The following HADHB variants were observed in gnomAD, a reference collection of about 807,000 sequenced individuals.
HADHB encodes the protein trifunctional enzyme subunit beta, mitochondrial.
In HADHB, 50 loss-of-function variants were observed where a neutral mutation model predicts 61.9. The ratio of observed to expected loss-of-function variants is 0.81; its 90% CI spans 0.64 to 1.02. The LOEUF is 1.02. HADHB is among the 50% of genes least tolerant of loss of function. HADHB has a pLI of 0.00. For synonymous variants in HADHB, 191 were observed against 201.6 expected (o/e 0.95, Z 0.45); for missense variants, 504 against 586.5 (o/e 0.86, Z 1.45).
intron 15 of HADHB, among the ~76,000 whole-genome samples, chr2:26,289,530 T>A (rs1272336085): frequency 3.3e-5 from 5 of 152,200 alleles, no homozygotes; most frequent in African/African-American, 1.2e-4. Flanking sequence ...AAAAAGCCCC[T>A]GGATTTCTCA....
intron 1 of HADHB, among the ~76,000 whole-genome samples, chr2:26,249,514 A>T (rs1671314414): frequency 2.0e-5 from 3 of 152,072 alleles, no homozygotes; most frequent in African/African-American, 4.8e-5. Flanking sequence ...CCGTCTCAAA[A>T]AAATAAATAA....
rs1672954081 is a variant in HADHB at position 26,284,772 on chromosome 2, G to T, written c.1150-111G>T. 3.9e-6 allele frequency: 3 copies of T among 766,126 alleles called. No homozygotes were observed. In the Admixed American group the frequency reaches 5.2e-5, roughly 13 times the overall value. 47.5% of individuals were successfully genotyped at this position (766,126 alleles called of 1,614,324 possible). On this transcript the variant is annotated intron_variant, in intron 13 of 15. Transcript: ENST00000317799. ...GTGAGCCACTGTGCCTGGCCGATTT[G>T]TTCAACTTTAAACCATACCTAAAGT...
intron 3 of HADHB, among the ~76,000 whole-genome samples, chr2:26,259,519 G>C (rs1195990253): frequency 1.3e-5 from 2 of 152,074 alleles, no homozygotes; most frequent in Non-Finnish European, 2.9e-5. Flanking sequence ...CCTACTCCTT[G>C]CCCTCTGCCT....
At chr2:26,264,553 C>CAAAA (rs34189488) in intron 4 of HADHB, among the ~76,000 whole-genome samples, 6 of 73,702 alleles carry the variant, frequency 8.1e-5, no homozygotes, top group Admixed American at 1.9e-4. Context: ...GACTCCATCT[C>CAAAA]AAAAAAAAAA....
intron 1 of HADHB, chr2:26,245,466 G>T (rs563110156): frequency 6.6e-6 from 1 of 152,046 alleles, no homozygotes; most frequent in South Asian, 2.1e-4. Flanking sequence ...CGGGGCTTGA[G>T]TGTGGGAGGA....
At chr2:26,281,735 T>G (rs1165280840) in intron 10 of HADHB, among the ~76,000 whole-genome samples, 2 of 152,234 alleles carry the variant, frequency 1.3e-5, no homozygotes, top group Non-Finnish European at 2.9e-5. Context: ...TGTAAACCAT[T>G]TATTCCATAT....
intron 3 of HADHB, 87 bp downstream of exon 3, chr2:26,254,561 C>A: frequency 1.1e-6 from 1 of 877,092 alleles, no homozygotes; most frequent in Non-Finnish European, 1.9e-6. Context: ...AAAACCAAAA[C>A]TAATTTGCTA....
intron 5 of HADHB, among the ~76,000 whole-genome samples, chr2:26,271,131 G>A (rs912019822): frequency 2.0e-5 from 3 of 147,456 alleles, no homozygotes; most frequent in African/African-American, 7.5e-5. Flanking sequence ...TCCTGACCTC[G>A]TGATCCGCCC....
Position 26,279,262 on chromosome 2 carries a change from A to G in HADHB, c.758A>G (p.Lys253Arg). 1.2e-6 allele frequency: 2 copies of G among 1,613,756 alleles called. No individual in the cohort carries two copies. Among genetic ancestry groups the G allele is most frequent in the Non-Finnish European group, 1.7e-6 (2 of 1,179,624 alleles). The change falls in exon 9 of 16, where the codon AAG becomes AGG. Residue 253 changes from lysine (K) to arginine (R), a missense_variant. Transcript: ENST00000317799. ...GCACTGCGCTCTCACAGTCTAGCCA[A>G]GAAGGCACAGGATGAAGGACTCCTT... ...EYALRSHSLA[K>R]KAQDEGLLSD...
chr2:26,278,985 C>G lies in HADHB; in HGVS notation c.631-150C>G. 2.3e-6 allele frequency: 2 copies of G among 886,082 alleles called. 1 individual carries two copies. Among genetic ancestry groups the G allele is most frequent in the Admixed American group, 3.8e-5 (2 of 53,294 alleles). 54.9% of individuals were successfully genotyped at this position (886,082 alleles called of 1,614,324 possible). ...TAATTTGTGAGCCCTCTTTAGAGATCCTCTTTAGAGATCCTCTGCTTGTCT... is the reference window on the plus strand; with the variant it reads ...TAATTTGTGAGCCCTCTTTAGAGATGCTCTTTAGAGATCCTCTGCTTGTCT... On this transcript the variant is annotated intron_variant, in intron 8 of 15. Transcript: ENST00000317799.
At chr2:26,254,654 A>G in intron 3 of HADHB, 180 bp downstream of exon 3, 1 of 567,884 alleles carries the variant, frequency 1.8e-6, no homozygotes, top group South Asian at 2.0e-5. Flanking sequence ...ATGATACTAC[A>G]TTATTTAGGA....
chr2:26,276,811 T>A (rs760475723), intron 6 of HADHB, among the ~76,000 whole-genome samples: 5 of 152,180 alleles, frequency 3.3e-5, no homozygotes, highest in African/African-American at 1.2e-4. Flanking sequence ...GATAAGAAAT[T>A]AGGTGAGTTA....
intron 4 of HADHB, among the ~76,000 whole-genome samples, chr2:26,265,723 A>AG (rs1482453017): frequency 6.6e-6 from 1 of 152,244 alleles, no homozygotes; most frequent in Non-Finnish European, 1.5e-5. Flanking sequence ...AAATTGGCAT[A>AG]GGGTTGTTCC....
At chr2:26,253,861 T>TAAATAAAA (rs1671500578) in intron 1 of HADHB, among the ~76,000 whole-genome samples, 1 of 97,918 alleles carries the variant, frequency 1.0e-5, no homozygotes, top group Non-Finnish European at 2.4e-5. Flanking sequence ...CTCAAAAAAA[T>TAAATAAAA]AAATAAATAA....
intron 1 of HADHB, among the ~76,000 whole-genome samples, chr2:26,247,194 A>G (rs1671201123): frequency 6.6e-6 from 1 of 151,976 alleles, no homozygotes. Context: ...GTATCTTTCC[A>G]TAGTTCACAC....
intron 3 of HADHB, among the ~76,000 whole-genome samples, chr2:26,258,763 C>G (rs1671741457): frequency 6.6e-6 from 1 of 152,188 alleles, no homozygotes; most frequent in Non-Finnish European, 1.5e-5. Flanking sequence ...GCTCAAATGC[C>G]TGGGGTTTAT....
At chr2:26,280,205 A>T (rs1408381563) in intron 10 of HADHB, 90 bp downstream of exon 10, 4 of 1,004,476 alleles carry the variant, frequency 4.0e-6, no homozygotes, top group African/African-American at 1.6e-5. Context: ...TGTGTGTGTT[A>T]TGAATAGAGG....
rs1672713758 is a variant in HADHB, at chr2:26,279,932, T to G, written c.812-62T>G. The G allele has an allele frequency of 4.0e-6, 5 of 1,239,368 alleles. No homozygotes were observed. In the Admixed American group the frequency reaches 6.8e-5, roughly 17 times the overall value. The allele number at this position is 1,239,368 out of a possible 1,614,324, so 76.8% of individuals were successfully genotyped here. The stretch of plus-strand genomic sequence containing the variant: ...TTTTGTAATTTTTAAAGCATATTTC[T>G]GTGGAGAAGATATATAAGGCTTGTG... On this transcript the variant is annotated intron_variant, in intron 9 of 15. Transcript: ENST00000317799.
chr2:26,250,258 C>T (rs901069801), intron 1 of HADHB, among the ~76,000 whole-genome samples: 2 of 152,132 alleles, frequency 1.3e-5, no homozygotes, highest in Admixed American at 6.5e-5. Context: ...CCTGCCTGGG[C>T]GTCCCAAAAT....
Sources: allele counts gnomAD v4.1 joint callset (sites outside exome capture counted in the v4.1 genomes callset), GRCh38; gene constraint gnomAD v4.1.1; transcripts MANE v1.5; gene names NCBI Gene and HGNC (gene_info 2026-07-23, HGNC 2026-07-21).